Variants in ABLIM3 observed in about 807,000 individuals in gnomAD.
ABLIM3 encodes actin binding LIM protein family member 3, also known as actin-binding LIM protein 3.
Under a neutral mutation model 109.5 loss-of-function variants are expected in ABLIM3, and 61 were observed. That is an observed-to-expected ratio of 0.56 (90% confidence interval 0.45 to 0.69). The LOEUF is 0.69. Among genes scored for constraint, ABLIM3 ranks in the 30% least tolerant of loss-of-function variants. The probability of loss-of-function intolerance (pLI) is 0.00; values close to 1 mark genes in which losing one functional copy is unlikely to be tolerated. For synonymous variants in ABLIM3, 300 were observed against 324.8 expected (o/e 0.92, Z 0.82); for missense variants, 796 against 889.5 (o/e 0.89, Z 1.34).
At chr5:149,208,541 T>C (rs1759245355) in intron 6 of ABLIM3, among the ~76,000 whole-genome samples, 1 of 152,106 alleles carries the variant, frequency 6.6e-6, no homozygotes, top group Non-Finnish European at 1.5e-5. Context: ...CAGGCTTCCA[T>C]ACCAAGCCTA....
At chr5:149,245,742 A>G (rs763591580) in intron 16 of ABLIM3, among the ~76,000 whole-genome samples, 1 of 152,088 alleles carries the variant, frequency 6.6e-6, no homozygotes, top group Non-Finnish European at 1.5e-5. Context: ...ACCTCACCCA[A>G]TCATACAACC....
At chr5:149,203,401 A>G (rs939864674) in intron 5 of ABLIM3, among the ~76,000 whole-genome samples, 13 of 96,660 alleles carry the variant, frequency 1.3e-4, no homozygotes, top group African/African-American at 3.5e-4. Flanking sequence ...GAGAGCAATC[A>G]GATGCAGTAG....
chr5:149,238,767 T>C (rs1752490768), intron 11 of ABLIM3, among the ~76,000 whole-genome samples: 2 of 152,232 alleles, frequency 1.3e-5, no homozygotes, highest in Non-Finnish European at 2.9e-5. Flanking sequence ...CTCCAGCTGC[T>C]GCACCAGCCA....
intron 9 of ABLIM3, 64 bp from the exon 10 acceptor site, chr5:149,233,165 C>A: frequency 6.8e-7 from 1 of 1,467,808 alleles, no homozygotes; most frequent in Non-Finnish European, 9.6e-7. Context: ...AACCCCCTGT[C>A]TCACCCTCCC....
chr5:149,178,347 G>A (rs1756156562), intron 2 of ABLIM3, among the ~76,000 whole-genome samples: 1 of 152,120 alleles, frequency 6.6e-6, no homozygotes, highest in South Asian at 2.1e-4. Flanking sequence ...GGTTATGTGT[G>A]GCATCCCCTG....
chr5:149,197,652 G>A (rs558088982), intron 3 of ABLIM3, among the ~76,000 whole-genome samples: 2 of 152,264 alleles, frequency 1.3e-5, no homozygotes, highest in South Asian at 4.1e-4. Context: ...GGGATTTGGA[G>A]CATATGGTCC....
At chr5:149,239,551 G>C (rs1187729527) in intron 12 of ABLIM3, among the ~76,000 whole-genome samples, 1 of 152,154 alleles carries the variant, frequency 6.6e-6, no homozygotes, top group African/African-American at 2.4e-5. Flanking sequence ...TCCATTCAAG[G>C]GCCTGCAAGT....
At chr5:149,248,453 A>G (rs964363143) in intron 18 of ABLIM3, among the ~76,000 whole-genome samples, 3 of 152,128 alleles carry the variant, frequency 2.0e-5, no homozygotes, top group Non-Finnish European at 4.4e-5. Context: ...GCACTTTAGG[A>G]GGCCGAGGCG....
intron 6 of ABLIM3, among the ~76,000 whole-genome samples, chr5:149,210,043 G>A (rs1759386015): frequency 1.3e-5 from 2 of 152,198 alleles, no homozygotes; most frequent in African/African-American, 4.8e-5. Context: ...GCAAAGCTAA[G>A]CTCTCCGATG....
intron 11 of ABLIM3, among the ~76,000 whole-genome samples, chr5:149,238,286 C>A (rs1469169695): frequency 6.6e-6 from 1 of 152,166 alleles, no homozygotes; most frequent in East Asian, 1.9e-4. Flanking sequence ...TATCCCAGAC[C>A]CCTTGAGTTA....
At position 149,210,795 on chromosome 5, in the gene ABLIM3, A is replaced by C; in HGVS notation, c.645A>C (p.Arg215=). 1 of 1,614,166 alleles carries C rather than the reference A, an allele frequency of 6.2e-7. No individual in the cohort carries two copies. The highest frequency in any genetic ancestry group is 1.1e-5 in the South Asian group (1 of 91,086). Residue 215 remains arginine (R), a synonymous_variant, in exon 7 of 24, where the codon CGA becomes CGC. Coordinates refer to ENST00000309868, the MANE Select transcript of ABLIM3 (RefSeq NM_014945.5). ...QFGIKCETCD[R]YISGRVLEAG... ...GCATTAAATGTGAGACTTGTGACCG[A>C]TACATCAGTGGCAGAGTCTTGGAGG...
At chr5:149,202,337 A>G (rs1561581703) in intron 5 of ABLIM3, among the ~76,000 whole-genome samples, 1 of 152,216 alleles carries the variant, frequency 6.6e-6, no homozygotes. Flanking sequence ...GAGCACATGG[A>G]CAGTTTCCAG....
chr5:149,259,758 T>A lies in ABLIM3; in HGVS notation c.*1354T>A. On this transcript the variant is annotated 3_prime_UTR_variant, in exon 24 of 24. Coordinates refer to ENST00000309868, the MANE Select transcript of ABLIM3 (RefSeq NM_014945.5). The stretch of plus-strand genomic sequence containing the variant: ...TGTTCCTTCTTGGAGAAGCCTTGAG[T>A]CGGACCATTTTGAGATCATGGAGGA... The A allele has an allele frequency of 1.5e-6, 1 of 667,396 alleles. No homozygotes were observed. Among genetic ancestry groups the A allele is most frequent in the Non-Finnish European group, 2.5e-6 (1 of 394,856 alleles). The allele number at this position is 667,396 out of a possible 1,614,324, so 41.3% of individuals were successfully genotyped here. A position where few individuals can be genotyped will look rare whatever the true frequency, so the allele number is the denominator to read the frequency against.
chr5:149,204,130 T>C (rs919048972), intron 5 of ABLIM3, among the ~76,000 whole-genome samples: 2 of 152,298 alleles, frequency 1.3e-5, no homozygotes, highest in East Asian at 1.9e-4. Context: ...CTGATTTAAA[T>C]AGAATGAATG....
chr5:149,252,422 C>T, intron 22 of ABLIM3: 1 of 575,118 alleles, frequency 1.7e-6, no homozygotes, highest in Non-Finnish European at 3.0e-6. Flanking sequence ...CAGATACTCT[C>T]CCTGGGCTTC....
Position 149,239,743 on chromosome 5 carries a change from C to G in ABLIM3, c.1075-16C>G. ...TTAACAGCCAGCCATGCTCACAGCC[C>G]CATTTCCTCTCCCAGGACATCTACG... On this transcript the variant is annotated splice_polypyrimidine_tract_variant and intron_variant, in intron 12 of 23. Transcript: ENST00000309868. The G allele has an allele frequency of 6.3e-7, 1 of 1,583,722 alleles. No individual in the cohort carries two copies. Among genetic ancestry groups the G allele is most frequent in the South Asian group, 1.2e-5 (1 of 86,156 alleles).
In ABLIM3 at chr5:149,247,853, C is replaced by G. The variant is rs753995909; in HGVS notation, c.1623C>G (p.Pro541=). Residue 541 remains proline (P), a synonymous_variant, in exon 18 of 24, where the codon CCC becomes CCG. Coordinates refer to ENST00000309868, the MANE Select transcript of ABLIM3 (RefSeq NM_014945.5). ...CCCGGTCGAGCTCCTATGCAGATCC[C>G]TGGACCCCTCCCCGGAGCTCCACCA... The part of the protein sequence containing the change: ...MKARSSSYAD[P]WTPPRSSTSS... The G allele has an allele frequency of 2.5e-6, 4 of 1,614,288 alleles. No individual in the cohort carries two copies. The African/African-American group carries it at 4.0e-5, about 16-fold the overall frequency.
chr5:149,159,454 G>A lies in ABLIM3; in HGVS notation c.13+17346G>A, dbSNP rs76705775. 8.0e-3 allele frequency among the ~76,000 whole-genome samples: 1,223 copies of A among 152,176 alleles called. 87 individuals carry two copies. In the East Asian group the frequency reaches 0.15, roughly 19 times the overall value. On this transcript the variant is annotated intron_variant, in intron 2 of 23. Transcript: ENST00000309868. The stretch of plus-strand genomic sequence containing the variant: ...ACCTTATCTTGATTAAACTGTTGTG[G>A]GCTATACATTTGTCAAAACTTATTG...
chr5:149,191,779 A>G (rs996595016), intron 3 of ABLIM3, among the ~76,000 whole-genome samples: 3 of 152,258 alleles, frequency 2.0e-5, no homozygotes, highest in African/African-American at 7.2e-5. Flanking sequence ...AAAGATAAGA[A>G]AGGATAAAAA....
Sources: allele counts gnomAD v4.1 joint callset (sites outside exome capture counted in the v4.1 genomes callset), GRCh38; gene constraint gnomAD v4.1.1; transcripts MANE v1.5; gene names NCBI Gene and HGNC (gene_info 2026-07-23, HGNC 2026-07-21).